The following LGMN variants were observed in gnomAD, a reference collection of about 807,000 sequenced individuals.
LGMN encodes legumain, also known as asparaginyl endopeptidase.
A neutral mutation model predicts 56.8 loss-of-function variants in LGMN; 36 were observed. The ratio of observed to expected loss-of-function variants is 0.63; its 90% CI spans 0.49 to 0.84. The LOEUF (loss-of-function observed/expected upper bound fraction) is 0.84, where lower values mean the gene tolerates loss of function less well. LGMN is among the 40% of genes least tolerant of loss of function. The pLI is 0.00. For missense variants in LGMN, 446 were observed against 556.1 expected (o/e 0.80, Z 1.99); for synonymous variants, 199 against 210.1 (o/e 0.95, Z 0.46).
chr14:92,705,876 C>T (rs1349382797), intron 12 of LGMN, among the ~76,000 whole-genome samples: 4 of 152,170 alleles, frequency 2.6e-5, no homozygotes, highest in Admixed American at 2.0e-4. Flanking sequence ...GAGCCACCCA[C>T]CTTGGCCTCC....
chr14:92,735,675 C>T (rs905628271), intron 1 of LGMN, among the ~76,000 whole-genome samples: 1 of 152,210 alleles, frequency 6.6e-6, no homozygotes, highest in Non-Finnish European at 1.5e-5. Context: ...TGCCTCCTAA[C>T]AGGAACTTAA....
chr14:92,710,491 C>T (rs557731989), intron 10 of LGMN, among the ~76,000 whole-genome samples: 6 of 152,336 alleles, frequency 3.9e-5, no homozygotes, highest in South Asian at 2.1e-4. Flanking sequence ...ATGGGCACAG[C>T]GGCCAGGCTC....
Position 92,714,567 on chromosome 14 carries a change from A to G in LGMN, c.405-116T>C, listed in dbSNP as rs537675447. ...GTTTGGGGAGTAGAGTTGCCCAACC[A>G]GGTTTGAAGATGAACACAAGGGCCC... On this transcript the variant is annotated intron_variant, in intron 5 of 13. Coordinates refer to ENST00000334869, the MANE Select transcript of LGMN (RefSeq NM_005606.7). This position sits in a 1 kb window ranked among gnomAD's most constrained non-coding sequence, Gnocchi z 5.1. 1.4e-6 allele frequency: 1 copy of G among 707,188 alleles called. No homozygotes were observed. Among genetic ancestry groups the G allele is most frequent in the African/African-American group, 1.8e-5 (1 of 56,018 alleles). The allele number at this position is 707,188 out of a possible 1,614,324, so 43.8% of individuals were successfully genotyped here.
chr14:92,737,487 G>A (rs1891358903), intron 1 of LGMN, among the ~76,000 whole-genome samples: 1 of 152,108 alleles, frequency 6.6e-6, no homozygotes, highest in African/African-American at 2.4e-5. Context: ...GCCTAGTCCT[G>A]CCCACAAAGA....
chr14:92,731,174 C>T (rs1891032044), intron 2 of LGMN, among the ~76,000 whole-genome samples: 1 of 152,166 alleles, frequency 6.6e-6, no homozygotes, highest in South Asian at 2.1e-4. Context: ...CATAACCCCA[C>T]TGCAGGAGTT....
chr14:92,727,578 G>A (rs1311339371), intron 2 of LGMN, among the ~76,000 whole-genome samples: 5 of 151,948 alleles, frequency 3.3e-5, no homozygotes, highest in Admixed American at 2.0e-4. Flanking sequence ...TGCTGGCCAC[G>A]CCCCTCACTG....
At chr14:92,719,345 C>A (rs1566924770) in intron 2 of LGMN, among the ~76,000 whole-genome samples, 70 of 143,618 alleles carry the variant, frequency 4.9e-4, no homozygotes, top group South Asian at 2.0e-3. Flanking sequence ...GCCATCACCG[C>A]CACCACCACC....
chr14:92,708,855 T>TCAAAAAAAAAAAAAAAAAA (rs1889580527), intron 11 of LGMN, among the ~76,000 whole-genome samples: 1 of 25,926 alleles, frequency 3.9e-5, no homozygotes, highest in African/African-American at 1.7e-4. Flanking sequence ...GACTCTTGTC[T>TCAAAAAAAAAAAAAAAAAA]CAAAAAAAAA....
chr14:92,743,036 A>C (rs1304769502), intron 1 of LGMN: 2 of 152,046 alleles, frequency 1.3e-5, no homozygotes, highest in Non-Finnish European at 2.9e-5. Flanking sequence ...AAAAAAAAAA[A>C]AAAAAACATC....
At chr14:92,724,399 T>C (rs969732456) in intron 2 of LGMN, among the ~76,000 whole-genome samples, 2 of 152,214 alleles carry the variant, frequency 1.3e-5, no homozygotes, top group African/African-American at 4.8e-5. Context: ...CTTCTGGGCC[T>C]TGGAGGCACT....
chr14:92,719,171 C>A lies in LGMN; in HGVS notation c.139-327G>T, dbSNP rs1159059105. 1.7e-3 allele frequency among the ~76,000 whole-genome samples: 235 copies of A among 140,614 alleles called. 1 individual carries two copies. The highest frequency in any genetic ancestry group is 5.9e-3 in the African/African-American group (215 of 36,258). 92.2% of individuals were successfully genotyped at this position (140,614 alleles called of 152,430 possible). On this transcript the variant is annotated intron_variant, in intron 2 of 13. Transcript: ENST00000334869. ...ACCACCGCCACTGCCACCACCACCA[C>A]CACCACCACCATCACCACCACCGCC...
At chr14:92,722,174 AT>A (rs534402099) in intron 2 of LGMN, among the ~76,000 whole-genome samples, 162 of 146,022 alleles carry the variant, frequency 1.1e-3, no homozygotes, top group African/African-American at 1.0e-3. Context: ...TACTAGTATA[AT>A]TTTTTTTTTT....
intron 1 of LGMN, among the ~76,000 whole-genome samples, chr14:92,737,121 G>T (rs1891343766): frequency 6.6e-6 from 1 of 152,108 alleles, no homozygotes; most frequent in South Asian, 2.1e-4. Flanking sequence ...GGCTTTGCAG[G>T]CCAGGCCATC....
At chr14:92,709,904 G>C in intron 10 of LGMN, 32 bp from the exon 11 acceptor site, 1 of 1,528,768 alleles carries the variant, frequency 6.5e-7, no homozygotes, top group Non-Finnish European at 8.9e-7. Context: ...GAGAGCGAGA[G>C]AGAAAGCGAG....
At chr14:92,740,447 G>C (rs951376093) in intron 1 of LGMN, among the ~76,000 whole-genome samples, 6 of 152,212 alleles carry the variant, frequency 3.9e-5, no homozygotes, top group African/African-American at 1.4e-4. Context: ...GCTCAGAAAG[G>C]TAGAGAAACT....
intron 2 of LGMN, among the ~76,000 whole-genome samples, chr14:92,726,787 C>T (rs1595550717): frequency 6.6e-6 from 1 of 152,152 alleles, no homozygotes; most frequent in Non-Finnish European, 1.5e-5. Context: ...TCCACCAGGG[C>T]CCTGGCTTTG....
At position 92,714,841 on chromosome 14, in the gene LGMN, C is replaced by CA. The variant is rs1889983853; in HGVS notation, c.405-391_405-390insT. Among the ~76,000 whole-genome samples the CA allele has an allele frequency of 6.6e-6, 1 of 152,158 alleles. No homozygotes were observed. The highest frequency in any genetic ancestry group is 1.9e-4 in the East Asian group (1 of 5,190). On this transcript the variant is annotated intron_variant, in intron 5 of 13. Coordinates refer to ENST00000334869, the MANE Select transcript of LGMN (RefSeq NM_005606.7). This position sits in a 1 kb window ranked among gnomAD's most constrained non-coding sequence, Gnocchi z 5.1. The stretch of plus-strand genomic sequence containing the variant: ...CCTCAACACAGGCCTGCAGCCTCCC[C>CA]CCCTCCAGGCCTCCTGTGGCCCACA...
At chr14:92,710,876 C>G (rs1380905869) in intron 10 of LGMN, among the ~76,000 whole-genome samples, 1 of 152,236 alleles carries the variant, frequency 6.6e-6, no homozygotes, top group Non-Finnish European at 1.5e-5. Context: ...GGGTGCAGGT[C>G]TCATGTCCCC....
chr14:92,717,482 T>C, intron 3 of LGMN, 21 bp from the exon 4 acceptor site: 1 of 1,572,748 alleles, frequency 6.4e-7, no homozygotes, highest in Non-Finnish European at 8.8e-7. Context: ...AAGGACACAA[T>C]TTAAACGAGA....
Sources: allele counts gnomAD v4.1 joint callset (sites outside exome capture counted in the v4.1 genomes callset), GRCh38; gene constraint gnomAD v4.1.1; non-coding constraint Gnocchi (gnomAD v3.1); transcripts MANE v1.5; gene names NCBI Gene and HGNC (gene_info 2026-07-23, HGNC 2026-07-21).